Variants in DDX21 observed in about 807,000 individuals in gnomAD.
DDX21 encodes the protein nucleolar RNA helicase 2.
Under a neutral mutation model 90.0 loss-of-function variants are expected in DDX21, and 18 were observed. The observed-to-expected ratio is 0.20, with a 90% CI of 0.14 to 0.30. The LOEUF is 0.30. Ranked by LOEUF, DDX21 falls within the 10% of genes least tolerant of loss-of-function variation. DDX21 has a pLI of 1.00. For synonymous variants in DDX21, 294 were observed against 318.0 expected (o/e 0.92, Z 0.80); for missense variants, 673 against 944.5 (o/e 0.71, Z 3.77).
intron 14 of DDX21, among the ~76,000 whole-genome samples, chr10:68,981,851 TTGTG>T (rs141752628): frequency 2.2e-4 from 33 of 148,918 alleles, no homozygotes; most frequent in African/African-American, 6.1e-4. Context: ...TATATAGATT[TTGTG>T]TGTGTGTGTG....
intron 1 of DDX21, chr10:68,956,894 T>A: frequency 2.4e-6 from 1 of 415,340 alleles, no homozygotes; most frequent in Non-Finnish European, 3.2e-6. Context: ...ATACAAAAAT[T>A]AGCCGGGCAT....
intron 11 of DDX21, 91 bp downstream of exon 11, chr10:68,974,834 T>A (rs868008942): frequency 1.9e-6 from 2 of 1,053,058 alleles, no homozygotes; most frequent in Non-Finnish European, 2.7e-6. Flanking sequence ...TTAAAAAAAT[T>A]TTTTTTTTAA....
intron 11 of DDX21, among the ~76,000 whole-genome samples, chr10:68,975,973 C>T (rs778307307): frequency 7.2e-4 from 108 of 150,386 alleles, no homozygotes; most frequent in Non-Finnish European, 1.3e-3. Context: ...CACTTGAACC[C>T]GAGAGGTGGA....
chr10:68,975,124 TA>T (rs765626067), intron 11 of DDX21, among the ~76,000 whole-genome samples: 1 of 152,238 alleles, frequency 6.6e-6, no homozygotes, highest in African/African-American at 2.4e-5. Flanking sequence ...TAGGATATTT[TA>T]AGGGATAATA....
At chr10:68,981,815 C>T (rs1843195472) in intron 14 of DDX21, among the ~76,000 whole-genome samples, 1 of 152,074 alleles carries the variant, frequency 6.6e-6, no homozygotes, top group South Asian at 2.1e-4. Flanking sequence ...ATCCAGCTCT[C>T]CCCACCCTTT....
chr10:68,962,149 T>C lies in DDX21; in HGVS notation c.599T>C (p.Leu200Pro), dbSNP rs1317172317. Residue 200 changes from leucine (L) to proline (P), a missense_variant, in exon 3 of 15, where the codon CTT (leucine) becomes CCT (proline). Coordinates refer to ENST00000354185, the MANE Select transcript of DDX21 (RefSeq NM_004728.4). ...CCCATATCTGAAGAAACTATTAAAC[T>C]TCTCAAAGGTAATGTTCTTGGAAAT... ...NFPISEETIK[L>P]LKGRGVTFLF... 1 of 1,602,660 alleles carries C rather than the reference T, an allele frequency of 6.2e-7. No homozygotes were observed. The highest frequency in any genetic ancestry group is 8.5e-7 in the Non-Finnish European group (1 of 1,171,532).
chr10:68,960,728 G>A (rs1327779051), intron 2 of DDX21, among the ~76,000 whole-genome samples: 2 of 150,188 alleles, frequency 1.3e-5, no homozygotes, highest in African/African-American at 2.5e-5. Context: ...CTCCCAAAGT[G>A]TTGGGATTAC....
At chr10:68,964,957 A>T (rs936995908) in intron 4 of DDX21, among the ~76,000 whole-genome samples, 3 of 151,852 alleles carry the variant, frequency 2.0e-5, no homozygotes, top group Non-Finnish European at 4.4e-5. Flanking sequence ...TTCATGTTTT[A>T]TATATATATA....
rs1316529367 is a variant in DDX21 at position 68,983,779 on chromosome 10, A to G, written c.*967A>G. On this transcript the variant is annotated 3_prime_UTR_variant, in exon 15 of 15. Coordinates refer to ENST00000354185, the MANE Select transcript of DDX21 (RefSeq NM_004728.4). The stretch of plus-strand genomic sequence containing the variant: ...GGTAACAAATTCATAACTGGAAAGC[A>G]AAGAGAAGAACAAGTATGATTTGGA... 6.6e-6 allele frequency: 1 copy of G among 152,182 alleles called. No individual in the cohort carries two copies. Among genetic ancestry groups the G allele is most frequent in the African/African-American group, 2.4e-5 (1 of 41,448 alleles). The allele number at this position is 152,182 out of a possible 1,614,324, so 9.4% of individuals were successfully genotyped here.
chr10:68,960,516 C>G (rs1380242817), intron 2 of DDX21, among the ~76,000 whole-genome samples: 2 of 152,030 alleles, frequency 1.3e-5, no homozygotes, highest in East Asian at 1.9e-4. Context: ...GGCTGGAGTA[C>G]AGTGGCACGA....
chr10:68,961,024 AG>A (rs769861588), intron 2 of DDX21, among the ~76,000 whole-genome samples: 8 of 152,360 alleles, frequency 5.3e-5, no homozygotes, highest in Non-Finnish European at 1.2e-4. Context: ...GGAGTTGAAC[AG>A]GATGATAAAA....
In DDX21 at chr10:68,984,747, A is replaced by G. The variant is rs1589291241; in HGVS notation, c.*1935A>G. 1 of 152,332 alleles carries G rather than the reference A, an allele frequency of 6.6e-6. No homozygotes were observed. Among genetic ancestry groups the G allele is most frequent in the East Asian group, 1.9e-4 (1 of 5,194 alleles). 9.4% of individuals were successfully genotyped at this position (152,332 alleles called of 1,614,324 possible). Reference sequence around the variant, plus strand: ...CTGGCATAAATTAAGAGTAAGAGAGAAGATTAATAGAAATTTCACTTCACA... The same window carrying G: ...CTGGCATAAATTAAGAGTAAGAGAGGAGATTAATAGAAATTTCACTTCACA... On this transcript the variant is annotated 3_prime_UTR_variant, in exon 15 of 15. Transcript: ENST00000354185.
intron 6 of DDX21, 31 bp from the exon 7 acceptor site, chr10:68,968,945 A>T (rs776742645): frequency 5.6e-6 from 9 of 1,610,940 alleles, no homozygotes; most frequent in Non-Finnish European, 7.6e-6. Context: ...TGGATTATTC[A>T]TACTGACTTT....
chr10:68,959,660 C>G (rs903322167), intron 1 of DDX21, 146 bp from the exon 2 acceptor site: 2 of 622,672 alleles, frequency 3.2e-6, no homozygotes, highest in Admixed American at 3.8e-5. Flanking sequence ...TACCTTATCA[C>G]AGCATGAAAG....
Position 68,967,199 on chromosome 10 carries a change from G to A in DDX21, c.1086G>A (p.Lys362=). 3 of 1,607,424 alleles carry A rather than the reference G, an allele frequency of 1.9e-6. No homozygotes were observed. Among genetic ancestry groups the A allele is most frequent in the East Asian group, 2.2e-5 (1 of 44,656 alleles). ...AAGAGATTTTAAGTGTGGCATACAA[G>A]AAAGGTAATCCACAAATTCAAGAAG... is the stretch of plus-strand genomic sequence containing the variant. ...QVEEILSVAY[K]KDSEDNPQTL... The change falls in exon 6 of 15, where the codon AAG becomes AAA. Residue 362 remains lysine (K), a synonymous_variant. Transcript: ENST00000354185.
At chr10:68,981,475 T>C in intron 13 of DDX21, 62 bp from the exon 14 acceptor site, 1 of 1,433,486 alleles carries the variant, frequency 7.0e-7, no homozygotes, top group Non-Finnish European at 9.8e-7. Flanking sequence ...TACGTGGTCT[T>C]TTAAAGGGAG....
chr10:68,960,995 G>T (rs1319072493), intron 2 of DDX21, among the ~76,000 whole-genome samples: 1 of 152,146 alleles, frequency 6.6e-6, no homozygotes, highest in East Asian at 1.9e-4. Flanking sequence ...TTTTGGTTAG[G>T]CCATTAAGTA....
chr10:68,973,227 T>A (rs1843051340), intron 9 of DDX21, among the ~76,000 whole-genome samples: 1 of 152,114 alleles, frequency 6.6e-6, no homozygotes, highest in African/African-American at 2.4e-5. Flanking sequence ...TATATTGAGT[T>A]AAAATACATT....
intron 1 of DDX21, 117 bp from the exon 2 acceptor site, chr10:68,959,689 C>A: frequency 1.2e-6 from 1 of 818,478 alleles, no homozygotes; most frequent in Non-Finnish European, 1.8e-6. Flanking sequence ...TCGAAATGCC[C>A]CAAAATTGTA....
Sources: gnomAD v4.1 joint callset for allele counts (sites outside exome capture counted in the v4.1 genomes callset) on GRCh38, gnomAD v4.1.1 for gene constraint, MANE v1.5 for transcripts, NCBI Gene and HGNC (gene_info 2026-07-23, HGNC 2026-07-21) for gene names.